Variants in PCDHGA11 observed in about 807,000 individuals in gnomAD.
PCDHGA11 encodes the protein protocadherin gamma subfamily A, 11.
PCDHGA11 carries 39 observed loss-of-function variants against 60.4 expected under a neutral mutation model. The ratio of observed to expected loss-of-function variants is 0.65; its 90% CI spans 0.50 to 0.84. The LOEUF (loss-of-function observed/expected upper bound fraction) is 0.84. Among genes scored for constraint, PCDHGA11 ranks in the 40% least tolerant of loss-of-function variants. The probability of loss-of-function intolerance (pLI) is 0.00; values close to 1 mark genes in which losing one functional copy is unlikely to be tolerated. For synonymous variants in PCDHGA11, 533 were observed against 510.3 expected (o/e 1.04, Z -0.60); for missense variants, 1,165 against 1,197.7 (o/e 0.97, Z 0.40).
At chr5:141,461,614 T>G (rs954890718) in intron 1 of PCDHGA11, among the ~76,000 whole-genome samples, 11 of 152,208 alleles carry the variant, frequency 7.2e-5, no homozygotes, top group Non-Finnish European at 1.2e-4. Flanking sequence ...TTCAAAGTAT[T>G]TTCTAATACA....
At chr5:141,480,625 G>A (rs1041569361) in intron 1 of PCDHGA11, among the ~76,000 whole-genome samples, 2 of 152,070 alleles carry the variant, frequency 1.3e-5, no homozygotes, top group Non-Finnish European at 2.9e-5. Flanking sequence ...ATTTTCCCTA[G>A]AACAATGTTT....
At chr5:141,427,470 G>A (rs765970767) in intron 1 of PCDHGA11, 8 of 509,992 alleles carry the variant, frequency 1.6e-5, no homozygotes, top group African/African-American at 7.7e-5. Flanking sequence ...CGAATCTTCC[G>A]CCAATAATGA....
rs572457971 is a variant in PCDHGA11, at chr5:141,426,319, C to T, written c.2433+2659C>T. The T allele has an allele frequency of 1.5e-3, 257 of 175,598 alleles. 1 individual carries two copies. Among genetic ancestry groups the T allele is most frequent in the Non-Finnish European group, 1.2e-3 (99 of 79,820 alleles). 10.9% of individuals were successfully genotyped at this position (175,598 alleles called of 1,614,324 possible). ...CAGGGTGAAGCAGAGAAGCAGGACC[C>T]GGCAGTGGCAAGCACTCTTCCCTTT... is the stretch of plus-strand genomic sequence containing the variant. On this transcript the variant is annotated intron_variant, in intron 1 of 3. Coordinates refer to ENST00000398587, the MANE Select transcript of PCDHGA11 (RefSeq NM_018914.3).
rs769909773 is a variant in PCDHGA11 at position 141,476,732 on chromosome 5, C to T, written c.2434-18075C>T. The T allele has an allele frequency of 8.7e-6, 14 of 1,614,096 alleles. No homozygotes were observed. Among genetic ancestry groups the T allele is most frequent in the Non-Finnish European group, 1.1e-5 (13 of 1,180,030 alleles). ...GTTGGAGCGCGCCCTGGACCGAGAA[C>T]GGGAGCCTAGTCTCCAGTTAGTGCT... is the stretch of plus-strand genomic sequence containing the variant. On this transcript the variant is annotated intron_variant, in intron 1 of 3. Coordinates refer to ENST00000398587, the MANE Select transcript of PCDHGA11 (RefSeq NM_018914.3). The surrounding 1 kb of genome is among the most constrained non-coding windows in gnomAD (Gnocchi z 7.6).
chr5:141,424,116 T>G, intron 1 of PCDHGA11: 1 of 667,648 alleles, frequency 1.5e-6, no homozygotes, highest in Non-Finnish European at 1.9e-6. Context: ...GTTCAAATTT[T>G]GATCCTGTTG....
At chr5:141,501,402 G>T (rs527659990) in intron 2 of PCDHGA11, among the ~76,000 whole-genome samples, 1 of 151,622 alleles carries the variant, frequency 6.6e-6, no homozygotes, top group African/African-American at 2.4e-5. Context: ...ACAGGCCACT[G>T]CTTGGAAAAT....
At chr5:141,459,499 G>A (rs2098968854) in intron 1 of PCDHGA11, among the ~76,000 whole-genome samples, 1 of 152,172 alleles carries the variant, frequency 6.6e-6, no homozygotes, top group Non-Finnish European at 1.5e-5. Context: ...TTAAAGTGAT[G>A]TGAACAATCA....
Position 141,421,231 on chromosome 5 carries a change from G to T in PCDHGA11, c.4G>T (p.Ala2Ser), listed in dbSNP as rs1368484504. The T allele has an allele frequency of 6.3e-7, 1 of 1,590,694 alleles. No individual in the cohort carries two copies. The highest frequency in any genetic ancestry group is 1.1e-5 in the South Asian group (1 of 87,622). Residue 2 changes from alanine (A) to serine (S), a missense_variant, in exon 1 of 4, where the codon GCG (alanine) becomes TCG (serine). Physicochemically the swap from Ala to Ser is moderately conservative, Grantham distance 99. Transcript: ENST00000398587. M[A>S]NRLQRGDRSR... Reference sequence around the variant, plus strand: ...GAATATCGGCTTAGAGCCTGCCATGGCGAATCGGCTACAGCGCGGGGACCG... The same window carrying T: ...GAATATCGGCTTAGAGCCTGCCATGTCGAATCGGCTACAGCGCGGGGACCG...
chr5:141,475,950 C>A, intron 1 of PCDHGA11: 1 of 761,530 alleles, frequency 1.3e-6, no homozygotes, highest in African/African-American at 1.7e-5. Flanking sequence ...CCCCTTTCTG[C>A]GCCCCGGGAT....
At chr5:141,508,879 G>A (rs2547559) in intron 3 of PCDHGA11, among the ~76,000 whole-genome samples, 2 of 152,070 alleles carry the variant, frequency 1.3e-5, no homozygotes, top group East Asian at 3.9e-4. Context: ...AGAGGCTGAC[G>A]GCTGGAGGGG....
In PCDHGA11 at chr5:141,432,296, G is replaced by A. The variant is rs895669878; in HGVS notation, c.2433+8636G>A. The A allele has an allele frequency of 2.5e-6, 4 of 1,614,106 alleles. No homozygotes were observed. The highest frequency in any genetic ancestry group is 1.1e-5 in the South Asian group (1 of 91,082). The stretch of plus-strand genomic sequence containing the variant: ...CGTGTCCATCAACTCCGACACTGGG[G>A]TACTGTATGCGCTGAGCTCCTTCGA... On this transcript the variant is annotated intron_variant, in intron 1 of 3. Transcript: ENST00000398587. The surrounding 1 kb of genome is among the most constrained non-coding windows in gnomAD (Gnocchi z 6.0).
At chr5:141,437,345 A>T (rs1018513998) in intron 1 of PCDHGA11, among the ~76,000 whole-genome samples, 2 of 152,252 alleles carry the variant, frequency 1.3e-5, no homozygotes, top group Non-Finnish European at 2.9e-5. Context: ...TCACTGTTTT[A>T]TAGTACCTAA....
At chr5:141,423,755 GGGGGGT>G in intron 1 of PCDHGA11, 95 bp downstream of exon 1, 4 of 512,470 alleles carry the variant, frequency 7.8e-6, no homozygotes, top group Non-Finnish European at 1.0e-5. Context: ...CTGTTTGGGG[GGGGGGT>G]GGGGCGGCAT....
chr5:141,453,032 G>A (rs2098754281), intron 1 of PCDHGA11, among the ~76,000 whole-genome samples: 1 of 152,132 alleles, frequency 6.6e-6, no homozygotes, highest in Admixed American at 6.5e-5. Flanking sequence ...TTAAAATAAA[G>A]TTTGTTTCTA....
chr5:141,481,503 G>A (rs1006282101), intron 1 of PCDHGA11, among the ~76,000 whole-genome samples: 3 of 152,236 alleles, frequency 2.0e-5, no homozygotes, highest in African/African-American at 7.2e-5. Context: ...TGCATGGTAT[G>A]TGAATTATGT....
At chr5:141,429,924 A>T (rs2097252885) in intron 1 of PCDHGA11, among the ~76,000 whole-genome samples, 1 of 152,210 alleles carries the variant, frequency 6.6e-6, no homozygotes, top group Admixed American at 6.5e-5. Context: ...GTATTAATAG[A>T]ATTCTGGAGT....
In PCDHGA11 at chr5:141,491,250, C is replaced by T. The variant is rs1328621598; in HGVS notation, c.2434-3557C>T. The T allele has an allele frequency of 6.2e-7, 1 of 1,614,148 alleles. No individual in the cohort carries two copies. Among genetic ancestry groups the T allele is most frequent in the South Asian group, 1.1e-5 (1 of 91,092 alleles). ...TGCTGCTGGTTCTGGAGGATGAGGA[C>T]CCTGAGGAAATGCCCAAATCCAGTG... On this transcript the variant is annotated intron_variant, in intron 1 of 3. Transcript: ENST00000398587. The surrounding 1 kb of genome is among the most constrained non-coding windows in gnomAD (Gnocchi z 6.9).
rs780395794 is a variant in PCDHGA11, at chr5:141,489,685, G to A, written c.2434-5122G>A. ...GCGCATCTCAGAATCAGCAGCATCT[G>A]GGGCACGATTCCCACTGGACAGTGC... On this transcript the variant is annotated intron_variant, in intron 1 of 3. Coordinates refer to ENST00000398587, the MANE Select transcript of PCDHGA11 (RefSeq NM_018914.3). The surrounding 1 kb of genome is among the most constrained non-coding windows in gnomAD (Gnocchi z 4.5). 10 of 1,614,142 alleles carry A rather than the reference G, an allele frequency of 6.2e-6. No individual in the cohort carries two copies. The South Asian group carries it at 1.1e-4, about 18-fold the overall frequency.
At chr5:141,445,294 T>G (rs1012635904) in intron 1 of PCDHGA11, among the ~76,000 whole-genome samples, 2 of 152,238 alleles carry the variant, frequency 1.3e-5, no homozygotes. Flanking sequence ...CAGGCTTCCA[T>G]TCTCTTCAGT....
Sources: gnomAD v4.1 joint callset for allele counts (sites outside exome capture counted in the v4.1 genomes callset) on GRCh38, gnomAD v4.1.1 for gene constraint, Gnocchi (gnomAD v3.1) non-coding constraint, MANE v1.5 for transcripts, NCBI Gene and HGNC (gene_info 2026-07-23, HGNC 2026-07-21) for gene names.